DPP10: variants seen among roughly 807,000 people sequenced by gnomAD.
DPP10 encodes the protein inactive dipeptidyl peptidase 10.
DPP10 carries 33 observed loss-of-function variants against 120.9 expected under a neutral mutation model. The observed-to-expected ratio is 0.27, with a 90% CI of 0.21 to 0.37. The LOEUF (loss-of-function observed/expected upper bound fraction) is 0.37, where lower values mean the gene tolerates loss of function less well. Among genes scored for constraint, DPP10 ranks in the 10% least tolerant of loss-of-function variants. DPP10 has a pLI of 1.00. For missense variants in DPP10, 816 were observed against 942.8 expected, an observed-to-expected ratio of 0.87 and a Z score of 1.76; for synonymous variants, 337 against 326.1, an observed-to-expected ratio of 1.03 and a Z score of -0.36.
At chr2:114,481,218 C>T (rs550834308) in intron 1 of DPP10, among the ~76,000 whole-genome samples, 1 of 151,938 alleles carries the variant, frequency 6.6e-6, no homozygotes, top group Non-Finnish European at 1.5e-5. Context: ...ATAGAGCTCT[C>T]TAACCTCAAA....
intron 5 of DPP10, among the ~76,000 whole-genome samples, chr2:115,533,659 C>T (rs1252275999): frequency 6.6e-6 from 1 of 151,970 alleles, no homozygotes; most frequent in Non-Finnish European, 1.5e-5. Context: ...ATAGAATTAT[C>T]TAGGCTGTTA....
At chr2:114,490,287 G>A (rs898567011) in intron 1 of DPP10, among the ~76,000 whole-genome samples, 9 of 152,108 alleles carry the variant, frequency 5.9e-5, no homozygotes, top group African/African-American at 2.2e-4. Context: ...TCTATTGGTG[G>A]TTGGCTCTGC....
chr2:115,405,178 C>T (rs1027663141), intron 3 of DPP10, among the ~76,000 whole-genome samples: 29 of 152,250 alleles, frequency 1.9e-4, no homozygotes, highest in African/African-American at 6.7e-4. Context: ...AATGTATTTT[C>T]TAAATACAAT....
At chr2:114,974,687 G>A (rs1431194381) in intron 1 of DPP10, among the ~76,000 whole-genome samples, 5 of 151,976 alleles carry the variant, frequency 3.3e-5, no homozygotes, top group Admixed American at 2.0e-4. Context: ...GATTACAGGC[G>A]TGAGCCACTG....
chr2:114,469,078 G>T (rs1347720885), intron 1 of DPP10, among the ~76,000 whole-genome samples: 1 of 152,172 alleles, frequency 6.6e-6, no homozygotes, highest in East Asian at 1.9e-4. Context: ...AGCAAAATTA[G>T]CCATGAATTA....
At chr2:115,335,588 A>G (rs1328161842) in intron 2 of DPP10, among the ~76,000 whole-genome samples, 1 of 152,064 alleles carries the variant, frequency 6.6e-6, no homozygotes, top group African/African-American at 2.4e-5. Context: ...AAGTACTAAA[A>G]CAAAATCTTA....
Position 115,768,380 on chromosome 2 carries a change from C to T in DPP10, c.1197C>T (p.His399=). 6.2e-7 allele frequency: 1 copy of T among 1,613,466 alleles called. No homozygotes were observed. The highest frequency in any genetic ancestry group is 8.5e-7 in the Non-Finnish European group (1 of 1,179,554). The change falls in exon 13 of 26, where the codon CAC becomes CAT. Residue 399 remains histidine, a synonymous_variant. Transcript: ENST00000410059. ...PVKQGGRGEF[H]HVAMFLIQSK... ...AGCAAGGGGGACGTGGAGAATTTCACCACGTAGCTATGTTCCTCATCCAGG... is the reference window on the plus strand; with the variant it reads ...AGCAAGGGGGACGTGGAGAATTTCATCACGTAGCTATGTTCCTCATCCAGG...
At chr2:115,762,944 G>A (rs978031911) in intron 12 of DPP10, among the ~76,000 whole-genome samples, 1 of 152,126 alleles carries the variant, frequency 6.6e-6, no homozygotes, top group African/African-American at 2.4e-5. Context: ...CAAATTGTCT[G>A]AAAAATTGAC....
intron 1 of DPP10, among the ~76,000 whole-genome samples, chr2:115,246,153 G>T (rs561964696): frequency 6.6e-6 from 1 of 151,464 alleles, no homozygotes; most frequent in African/African-American, 2.4e-5. Context: ...CTTTTTTGGG[G>T]TAAAAAAAAA....
At chr2:115,585,388 AT>A (rs2082226609) in intron 5 of DPP10, among the ~76,000 whole-genome samples, 1 of 152,214 alleles carries the variant, frequency 6.6e-6, no homozygotes, top group African/African-American at 2.4e-5. Context: ...GTACTAAAAA[AT>A]AAATAAATAC....
intron 1 of DPP10, among the ~76,000 whole-genome samples, chr2:114,770,466 A>G (rs1681150621): frequency 6.6e-6 from 1 of 152,196 alleles, no homozygotes; most frequent in Non-Finnish European, 1.5e-5. Context: ...AAATGGGGAC[A>G]TTCACACAAT....
At chr2:115,747,158 C>T (rs893282605) in intron 10 of DPP10, among the ~76,000 whole-genome samples, 6 of 152,216 alleles carry the variant, frequency 3.9e-5, no homozygotes, top group Non-Finnish European at 8.8e-5. Flanking sequence ...TCTCCTTCTA[C>T]TGATGGAAAA....
chr2:114,845,190 G>A (rs981583926), intron 1 of DPP10, among the ~76,000 whole-genome samples: 4 of 152,010 alleles, frequency 2.6e-5, no homozygotes, highest in African/African-American at 7.3e-5. Context: ...AACATGCATT[G>A]GACTCAACCC....
At chr2:115,474,544 G>A (rs774460748) in intron 3 of DPP10, among the ~76,000 whole-genome samples, 6 of 152,242 alleles carry the variant, frequency 3.9e-5, no homozygotes, top group East Asian at 1.9e-4. Context: ...GAACTTAAGA[G>A]TGATGGATTA....
rs149146861 is a variant in DPP10, at chr2:115,309,287, A to C, written c.109A>C (p.Ile37Leu). 5.9e-5 allele frequency: 95 copies of C among 1,613,540 alleles called. No homozygotes were observed. Among genetic ancestry groups the C allele is most frequent in the Non-Finnish European group, 7.1e-5 (84 of 1,179,656 alleles). The change falls in exon 2 of 26, where the codon ATT becomes CTT. Residue 37 changes from isoleucine to leucine, a missense_variant. By Grantham distance (5) the Ile-to-Leu change is conservative (BLOSUM62 2). Coordinates refer to ENST00000410059, the MANE Select transcript of DPP10 (RefSeq NM_020868.6). ...PPQRNWKGIAIALLVILVVCS... is the reference protein window; with the variant it reads ...PPQRNWKGIALALLVILVVCS... Reference sequence around the variant, plus strand: ...ACAGAGAAACTGGAAGGGAATTGCTATTGCTCTGCTGGTGATTTTAGTTGT... The same window carrying C: ...ACAGAGAAACTGGAAGGGAATTGCTCTTGCTCTGCTGGTGATTTTAGTTGT...
chr2:115,517,619 A>G (rs916390646), intron 4 of DPP10, among the ~76,000 whole-genome samples: 2 of 152,186 alleles, frequency 1.3e-5, no homozygotes, highest in Admixed American at 1.3e-4. Flanking sequence ...CATTCTTTAC[A>G]TATATTACCA....
At chr2:114,617,694 A>G (rs1260309789) in intron 1 of DPP10, among the ~76,000 whole-genome samples, 1 of 152,112 alleles carries the variant, frequency 6.6e-6, no homozygotes. Context: ...ACCAAGTTTT[A>G]TACTTGTTTT....
intron 1 of DPP10, among the ~76,000 whole-genome samples, chr2:114,583,918 C>A (rs1690738086): frequency 6.6e-6 from 1 of 152,148 alleles, no homozygotes; most frequent in Admixed American, 6.5e-5. Flanking sequence ...TCCTTCTAGG[C>A]TTTTCTTTTA....
At chr2:114,977,736 T>C (rs1699841357) in intron 1 of DPP10, among the ~76,000 whole-genome samples, 1 of 152,218 alleles carries the variant, frequency 6.6e-6, no homozygotes, top group African/African-American at 2.4e-5. Context: ...CTGGTTTACT[T>C]CTAGTATTCT....
Sources: allele counts gnomAD v4.1 joint callset (sites outside exome capture counted in the v4.1 genomes callset), GRCh38; gene constraint gnomAD v4.1.1; transcripts MANE v1.5; gene names NCBI Gene and HGNC (gene_info 2026-07-23, HGNC 2026-07-21).